Variants in BPIFC observed in about 807,000 individuals in gnomAD.
BPIFC encodes BPI fold-containing family C protein.
BPIFC carries 60 observed loss-of-function variants against 57.6 expected under a neutral mutation model. The observed-to-expected ratio is 1.04, with a 90% confidence interval of 0.85 to 1.29. The LOEUF is 1.29. BPIFC is among the 50% of genes most tolerant of loss of function. The pLI is 0.00. For synonymous variants in BPIFC, 243 were observed against 224.5 expected, an observed-to-expected ratio of 1.08 and a Z score of -0.74; for missense variants, 581 against 600.5, an observed-to-expected ratio of 0.97 and a Z score of 0.34.
At chr22:32,453,659 C>T (rs1934959787) in intron 3 of BPIFC, among the ~76,000 whole-genome samples, 156 bp from the exon 4 acceptor site, 1 of 152,210 alleles carries the variant, frequency 6.6e-6, no homozygotes, top group Non-Finnish European at 1.5e-5. Flanking sequence ...CTCTGGTTTA[C>T]AGATGAAAAC....
At position 32,445,962 on chromosome 22, in the gene BPIFC, C is replaced by T. The variant is rs371597095; in HGVS notation, c.409G>A (p.Gly137Arg). The T allele has an allele frequency of 1.0e-4, 161 of 1,614,056 alleles. 3 individuals are homozygous for T. In the Middle Eastern group the frequency reaches 2.0e-3, roughly 20 times the overall value. ...DTGGADLFLS[G>R]VYFTGIIILT... ...ATAATGATACCGGTAAAGTAGACTC[C>T]GGAGAGAAACAGATCAGCCCCTCCT... The change falls in exon 6 of 17, where the codon GGA (glycine) becomes AGA (arginine). Residue 137 changes from glycine (G) to arginine (R), a missense_variant. Coordinates refer to ENST00000300399, the MANE Select transcript of BPIFC (RefSeq NM_174932.3).
rs76434372 is a variant in BPIFC, at chr22:32,453,483, T to A, written c.145A>T (p.Met49Leu). Residue 49 changes from methionine to leucine, a missense_variant, in exon 4 of 17, where the codon ATG becomes TTG. Transcript: ENST00000300399. ...LDYGVQAGMK[M>L]IEQMLKEKKL... Reference sequence around the variant, plus strand: ...TTTTCTTTTAGCATTTGCTCAATCATCTTCATTCCAGCTTGAACACCTGTG... The same window carrying A: ...TTTTCTTTTAGCATTTGCTCAATCAACTTCATTCCAGCTTGAACACCTGTG... 5,127 of 1,601,516 alleles carry A rather than the reference T, an allele frequency of 3.2e-3. 158 individuals are homozygous for A. In the African/African-American group the frequency reaches 0.062, roughly 19 times the overall value.
intron 16 of BPIFC, 110 bp from the exon 17 acceptor site, chr22:32,414,535 G>C: frequency 7.4e-7 from 1 of 1,343,736 alleles, no homozygotes; most frequent in Non-Finnish European, 1.0e-6. Context: ...ATTTTGAGAT[G>C]GAGTCTCAAA....
At chr22:32,460,903 T>A (rs1244651895) in intron 2 of BPIFC, among the ~76,000 whole-genome samples, 1 of 152,234 alleles carries the variant, frequency 6.6e-6, no homozygotes, top group Non-Finnish European at 1.5e-5. Flanking sequence ...GAGTGACTGT[T>A]AAGTGTTGGT....
At chr22:32,424,741 CTCTTCTTCTTCCTCTTCTTCTTCTTCT>C in intron 13 of BPIFC, among the ~76,000 whole-genome samples, 1 of 44,336 alleles carries the variant, frequency 2.3e-5, no homozygotes, top group South Asian at 5.9e-4. Context: ...CTTCTTCTTC[CTCTTCTTCTTCCTCTTCTTCTTCTTCT>C]TCTTCTTCTT....
rs1255740116 is a variant in BPIFC, at chr22:32,444,347, T to C, written c.594+1288A>G. ...TGGACAGCTGCGCCACCTCCTGGGA[T>C]GAGCTGCTTGATGCTTCTGAGTGTT... On this transcript the variant is annotated intron_variant, in intron 7 of 16. Coordinates refer to ENST00000300399, the MANE Select transcript of BPIFC (RefSeq NM_174932.3). 2.6e-5 allele frequency among the ~76,000 whole-genome samples: 4 copies of C among 152,182 alleles called. 1 individual carries two copies. Among genetic ancestry groups the C allele is most frequent in the Admixed American group, 1.3e-4 (2 of 15,272 alleles).
At chr22:32,417,909 G>A (rs950165144) in intron 14 of BPIFC, among the ~76,000 whole-genome samples, 6 of 150,982 alleles carry the variant, frequency 4.0e-5, no homozygotes, top group South Asian at 4.2e-4. Context: ...TCACTCTGTC[G>A]CCCAGGCTGG....
At chr22:32,447,601 C>T (rs569565545) in intron 4 of BPIFC, among the ~76,000 whole-genome samples, 103 of 143,306 alleles carry the variant, frequency 7.2e-4, no homozygotes, top group African/African-American at 2.6e-3. Flanking sequence ...TCTTCTCTCT[C>T]GCTCTCTTTT....
At chr22:32,433,862 T>C (rs1934314867) in intron 10 of BPIFC, 90 bp from the exon 11 acceptor site, 2 of 1,122,476 alleles carry the variant, frequency 1.8e-6, no homozygotes, top group South Asian at 1.3e-5. Context: ...ATTTGACGAA[T>C]TGTGAAGCTG....
chr22:32,416,296 G>A (rs1009093274), intron 15 of BPIFC, among the ~76,000 whole-genome samples: 7 of 151,966 alleles, frequency 4.6e-5, no homozygotes, highest in African/African-American at 9.7e-5. Context: ...TTGGCCAGGC[G>A]TGTCTCGAAC....
chr22:32,419,862 G>A (rs1029358178), intron 13 of BPIFC, among the ~76,000 whole-genome samples: 1 of 151,536 alleles, frequency 6.6e-6, no homozygotes, highest in South Asian at 2.1e-4. Context: ...AATAAAACTG[G>A]GAAGACATCG....
intron 10 of BPIFC, among the ~76,000 whole-genome samples, chr22:32,435,116 T>C (rs1934353436): frequency 6.6e-6 from 1 of 152,222 alleles, no homozygotes; most frequent in Admixed American, 6.5e-5. Flanking sequence ...AAGGAACTAT[T>C]ATTATCTGCC....
At position 32,436,125 on chromosome 22, in the gene BPIFC, T is replaced by C. The variant is rs556357156; in HGVS notation, c.748-245A>G. Among the ~76,000 whole-genome samples, 140 of 152,000 alleles carry C rather than the reference T, an allele frequency of 9.2e-4. 2 individuals carry two copies. The highest frequency in any genetic ancestry group is 3.0e-3 in the African/African-American group (124 of 41,446). On this transcript the variant is annotated intron_variant, in intron 9 of 16. Coordinates refer to ENST00000300399, the MANE Select transcript of BPIFC (RefSeq NM_174932.3). ...ACCTGGGCAACATGGCAGGCCCCGT[T>C]TCTATAAAAAATACAAAAATTAGCC...
At chr22:32,424,586 C>CTTA (rs1569447807) in intron 13 of BPIFC, among the ~76,000 whole-genome samples, 1 of 86,238 alleles carries the variant, frequency 1.2e-5, no homozygotes, top group Non-Finnish European at 2.1e-5. Flanking sequence ...TCTTCTTCTT[C>CTTA]TTCTTCTTCT....
chr22:32,457,536 T>A (rs570956880), intron 2 of BPIFC, 150 bp from the exon 3 acceptor site: 26 of 853,016 alleles, frequency 3.0e-5, no homozygotes, highest in Non-Finnish European at 4.4e-5. Flanking sequence ...CATCCATCCA[T>A]CCATCCATCC....
rs912524507 is a variant in BPIFC at position 32,417,101 on chromosome 22, G to A, written c.1308C>T (p.Val436=). The A allele has an allele frequency of 1.9e-6, 3 of 1,604,996 alleles. No individual in the cohort carries two copies. The highest frequency in any genetic ancestry group is 1.7e-4 in the Middle Eastern group (1 of 6,040). The change falls in exon 15 of 17, where the codon GTC becomes GTT. Residue 436 remains valine (V), a synonymous_variant. Coordinates refer to ENST00000300399, the MANE Select transcript of BPIFC (RefSeq NM_174932.3). ...NILSSILHFG[V]LPLANAKLQQ... ...ATCCCTTACCATTGGCCAGTGGGAG[G>A]ACTCCAAAGTGAAGAATGGACGATA... is the stretch of plus-strand genomic sequence containing the variant.
chr22:32,461,896 G>T lies in BPIFC; in HGVS notation c.-88-235C>A, dbSNP rs186933323. On this transcript the variant is annotated intron_variant, in intron 1 of 16. Coordinates refer to ENST00000300399, the MANE Select transcript of BPIFC (RefSeq NM_174932.3). ...TGTTTTAAAAGAGCAAAAATAGGCC[G>T]GGCGTGGTGGCTCACGCCTATAATC... Among the ~76,000 whole-genome samples the T allele has an allele frequency of 4.5e-3, 692 of 152,230 alleles. 7 individuals carry two copies. Among genetic ancestry groups the T allele is most frequent in the African/African-American group, 0.015 (639 of 41,564 alleles).
chr22:32,415,207 A>G (rs1161838416), intron 16 of BPIFC, among the ~76,000 whole-genome samples: 1 of 152,120 alleles, frequency 6.6e-6, no homozygotes, highest in Non-Finnish European at 1.5e-5. Context: ...ATCTGGTAGG[A>G]GGTGGAGCTC....
At chr22:32,431,994 T>G (rs999548193) in intron 12 of BPIFC, among the ~76,000 whole-genome samples, 3 of 141,488 alleles carry the variant, frequency 2.1e-5, no homozygotes, top group African/African-American at 8.0e-5. Context: ...AGTGCAGTGG[T>G]GCAATCATAG....
Sources: gnomAD v4.1 joint callset for allele counts (sites outside exome capture counted in the v4.1 genomes callset) on GRCh38, gnomAD v4.1.1 for gene constraint, MANE v1.5 for transcripts, NCBI Gene and HGNC (gene_info 2026-07-23, HGNC 2026-07-21) for gene names.